CD38: variants seen among roughly 807,000 people sequenced by gnomAD.
The protein encoded by CD38 is CD38 molecule, also known as ADP-ribosyl cyclase/cyclic ADP-ribose hydrolase 1.
Under a neutral mutation model 36.3 loss-of-function variants are expected in CD38, and 31 were observed. That is an observed-to-expected ratio of 0.85 (90% CI 0.64 to 1.15). The LOEUF (loss-of-function observed/expected upper bound fraction) is 1.15, where lower values mean the gene tolerates loss of function less well. Among genes scored for constraint, CD38 ranks in the 50% most tolerant of loss-of-function variants. The pLI, the probability that CD38 is intolerant of heterozygous loss-of-function variation, is 0.00. For missense variants in CD38, 380 were observed against 371.9 expected, an observed-to-expected ratio of 1.02 and a Z score of -0.18; for synonymous variants, 131 against 135.2, an observed-to-expected ratio of 0.97 and a Z score of 0.22.
intron 2 of CD38, among the ~76,000 whole-genome samples, chr4:15,819,367 TA>T (rs895160208): frequency 4.6e-3 from 644 of 139,428 alleles, no homozygotes; most frequent in Non-Finnish European, 4.2e-3. Flanking sequence ...TACCCAATGT[TA>T]AAAAAAAAAA....
intron 7 of CD38, among the ~76,000 whole-genome samples, chr4:15,846,003 A>G (rs1426168188): frequency 1.2e-5 from 1 of 80,700 alleles, no homozygotes; most frequent in Non-Finnish European, 2.2e-5. Context: ...TACAGATTCA[A>G]TGCCATCCCC....
chr4:15,779,534 G>C (rs867642948), intron 1 of CD38, among the ~76,000 whole-genome samples: 1 of 152,174 alleles, frequency 6.6e-6, no homozygotes, highest in Non-Finnish European at 1.5e-5. Context: ...TTTACACTCT[G>C]TGCTTTGGGA....
chr4:15,787,000 G>T (rs924718650), intron 1 of CD38, among the ~76,000 whole-genome samples: 4 of 152,140 alleles, frequency 2.6e-5, no homozygotes, highest in African/African-American at 9.7e-5. Flanking sequence ...TCACTGTCCG[G>T]GGCCTGCTGC....
At chr4:15,796,664 G>A (rs1301671866) in intron 1 of CD38, among the ~76,000 whole-genome samples, 2 of 152,002 alleles carry the variant, frequency 1.3e-5, no homozygotes, top group Non-Finnish European at 2.9e-5. Flanking sequence ...CTGTCTCAGA[G>A]GCAAATACTG....
In CD38 at chr4:15,807,796, C is replaced by G. The variant is rs565320225; in HGVS notation, c.234-8715C>G. On this transcript the variant is annotated intron_variant, in intron 1 of 7. Coordinates refer to ENST00000226279, the MANE Select transcript of CD38 (RefSeq NM_001775.4). ...ACAAAGAGCTCCATCTCTAGAATACCCTTAGCAGGATGTCCTTGATTAAAG... is the reference window on the plus strand; with the variant it reads ...ACAAAGAGCTCCATCTCTAGAATACGCTTAGCAGGATGTCCTTGATTAAAG... 9.6e-4 allele frequency among the ~76,000 whole-genome samples: 146 copies of G among 152,224 alleles called. 1 individual carries two copies. The highest frequency in any genetic ancestry group is 1.8e-3 in the Admixed American group (27 of 15,290).
chr4:15,800,707 TA>T (rs1370046939), intron 1 of CD38, among the ~76,000 whole-genome samples: 1 of 151,600 alleles, frequency 6.6e-6, no homozygotes, highest in African/African-American at 2.4e-5. Context: ...TTAAGAAAAA[TA>T]AAAAAACTTA....
chr4:15,808,568 C>T (rs751126404), intron 1 of CD38, among the ~76,000 whole-genome samples: 1 of 152,200 alleles, frequency 6.6e-6, no homozygotes, highest in Non-Finnish European at 1.5e-5. Context: ...TAGAAGGTCA[C>T]AAAACCACTC....
intron 1 of CD38, among the ~76,000 whole-genome samples, chr4:15,786,040 G>A (rs186359010): frequency 3.3e-5 from 5 of 152,292 alleles, no homozygotes; most frequent in Non-Finnish European, 5.9e-5. Flanking sequence ...GTTCCTCCTG[G>A]TGGGTTCATG....
chr4:15,832,172 C>T (rs1989182), intron 3 of CD38, among the ~76,000 whole-genome samples: 8,913 of 152,144 alleles, frequency 0.059, 360 homozygotes, highest in East Asian at 0.18. Flanking sequence ...TTGTTAAATT[C>T]ATCTGATAGA....
rs566562443 is a variant in CD38 at position 15,850,947 on chromosome 4, C to T, written c.*2345C>T. ...CGAGTCCTTGCTCAACAGGATACCC[C>T]TTGAAGTGGCTGCCTGGGCCACATC... On this transcript the variant is annotated 3_prime_UTR_variant, in exon 8 of 8. Coordinates refer to ENST00000226279, the MANE Select transcript of CD38 (RefSeq NM_001775.4). 6.6e-6 allele frequency: 1 copy of T among 152,240 alleles called. No individual in the cohort carries two copies. The highest frequency in any genetic ancestry group is 1.5e-5 in the Non-Finnish European group (1 of 68,064). 9.4% of individuals were successfully genotyped at this position (152,240 alleles called of 1,614,324 possible). A position where few individuals can be genotyped will look rare whatever the true frequency, so the allele number is the denominator to read the frequency against.
At chr4:15,815,419 T>G (rs892248029) in intron 1 of CD38, among the ~76,000 whole-genome samples, 6 of 152,220 alleles carry the variant, frequency 3.9e-5, no homozygotes, top group African/African-American at 1.4e-4. Context: ...TTTTTCTATT[T>G]GTTTGTGTCC....
intron 2 of CD38, among the ~76,000 whole-genome samples, chr4:15,824,120 G>A (rs1196606750): frequency 6.6e-6 from 1 of 152,100 alleles, no homozygotes; most frequent in African/African-American, 2.4e-5. Flanking sequence ...ACACCAGGAG[G>A]GGAAAAACAC....
At chr4:15,790,795 C>G (rs1259682214) in intron 1 of CD38, among the ~76,000 whole-genome samples, 1 of 147,888 alleles carries the variant, frequency 6.8e-6, no homozygotes. Flanking sequence ...GGCCGCCCAT[C>G]GTCTGAGATG....
chr4:15,838,792 T>A (rs1724132609), intron 5 of CD38, among the ~76,000 whole-genome samples: 1 of 152,156 alleles, frequency 6.6e-6, no homozygotes, highest in African/African-American at 2.4e-5. Flanking sequence ...CCTGAATATG[T>A]ACCAAAGAGT....
chr4:15,815,613 T>G (rs977007271), intron 1 of CD38, among the ~76,000 whole-genome samples: 2 of 152,278 alleles, frequency 1.3e-5, no homozygotes, highest in East Asian at 3.9e-4. Context: ...ACACTGATTT[T>G]ATATCCTGAG....
intron 3 of CD38, among the ~76,000 whole-genome samples, chr4:15,833,915 G>A (rs1724010176): frequency 6.6e-6 from 1 of 152,192 alleles, no homozygotes; most frequent in South Asian, 2.1e-4. Flanking sequence ...AATTCTTCCT[G>A]GACTGGGGAT....
In CD38 at chr4:15,779,592, C is replaced by T. The variant is rs567193587; in HGVS notation, c.233+945C>T. Among the ~76,000 whole-genome samples the T allele has an allele frequency of 3.3e-5, 5 of 152,212 alleles. No homozygotes were observed. The South Asian group carries it at 1.0e-3, about 32-fold the overall frequency. Reference sequence around the variant, plus strand: ...AATCCGAGGAAACGAGCAAATAGACCTCCCTCGCCTCTCCGAGCACACTCA... The same window carrying T: ...AATCCGAGGAAACGAGCAAATAGACTTCCCTCGCCTCTCCGAGCACACTCA... On this transcript the variant is annotated intron_variant, in intron 1 of 7. Transcript: ENST00000226279.
intron 1 of CD38, among the ~76,000 whole-genome samples, chr4:15,799,650 TGTA>T (rs1424118375): frequency 6.6e-6 from 1 of 152,230 alleles, no homozygotes; most frequent in East Asian, 1.9e-4. Context: ...ACATTTGGCT[TGTA>T]GTCACTTTTT....
rs2148930832 is a variant in CD38, at chr4:15,850,929, T to G, written c.*2327T>G. On this transcript the variant is annotated 3_prime_UTR_variant, in exon 8 of 8. Transcript: ENST00000226279. ...GCTGCTTTCGGGACTCATCGAGTCC[T>G]TGCTCAACAGGATACCCCTTGAAGT... The G allele has an allele frequency of 6.6e-6, 1 of 152,362 alleles. No individual in the cohort carries two copies. The highest frequency in any genetic ancestry group is 2.1e-4 in the South Asian group (1 of 4,832). 9.4% of individuals were successfully genotyped at this position (152,362 alleles called of 1,614,324 possible).
Sources: allele counts gnomAD v4.1 joint callset (sites outside exome capture counted in the v4.1 genomes callset), GRCh38; gene constraint gnomAD v4.1.1; transcripts MANE v1.5; gene names NCBI Gene and HGNC (gene_info 2026-07-23, HGNC 2026-07-21).